The following CCDC149 variants were observed in gnomAD, a reference collection of about 807,000 sequenced individuals.
CCDC149 encodes the protein coiled-coil domain-containing protein 149.
A neutral mutation model predicts 59.9 loss-of-function variants in CCDC149; 45 were observed. The observed-to-expected ratio is 0.75, with a 90% CI of 0.59 to 0.96. The LOEUF (loss-of-function observed/expected upper bound fraction) is 0.96, where lower values mean the gene tolerates loss of function less well. CCDC149 is among the 40% of genes least tolerant of loss of function. CCDC149 has a pLI of 0.00. For synonymous variants in CCDC149, 245 were observed against 260.6 expected, an observed-to-expected ratio of 0.94 and a Z score of 0.58; for missense variants, 584 against 664.7, an observed-to-expected ratio of 0.88 and a Z score of 1.33.
intron 4 of CCDC149, among the ~76,000 whole-genome samples, chr4:24,852,337 T>C (rs1254796994): frequency 7.1e-6 from 1 of 140,690 alleles, no homozygotes; most frequent in Non-Finnish European, 1.6e-5. Context: ...CACACTATAG[T>C]CTTCTTGAGT....
intron 4 of CCDC149, among the ~76,000 whole-genome samples, chr4:24,839,124 A>G (rs950119511): frequency 1.3e-5 from 2 of 152,172 alleles, no homozygotes; most frequent in Middle Eastern, 3.4e-3. Context: ...CCCAAATATT[A>G]AAAATGTGTG....
At chr4:24,873,554 T>TA in intron 3 of CCDC149, 127 bp downstream of exon 3, 1 of 725,978 alleles carries the variant, frequency 1.4e-6, no homozygotes, top group Non-Finnish European at 2.4e-6. Context: ...AATCTCTACC[T>TA]ACTCCTCCCA....
chr4:24,950,996 T>G (rs1270496315), intron 1 of CCDC149, among the ~76,000 whole-genome samples: 1 of 152,212 alleles, frequency 6.6e-6, no homozygotes, highest in Non-Finnish European at 1.5e-5. Flanking sequence ...TCAGCATCTA[T>G]GTATCTTTGG....
At chr4:24,815,117 G>C (rs183324029) in intron 12 of CCDC149, among the ~76,000 whole-genome samples, 2 of 152,230 alleles carry the variant, frequency 1.3e-5, no homozygotes, top group East Asian at 3.9e-4. Context: ...ATATATGAAC[G>C]ATATACATGA....
At chr4:24,875,122 C>CACGGTGAAACCCCATCTCTACT (rs1719329507) in intron 2 of CCDC149, among the ~76,000 whole-genome samples, 1 of 152,096 alleles carries the variant, frequency 6.6e-6, no homozygotes, top group Non-Finnish European at 1.5e-5. Flanking sequence ...TCCTGGCTAA[C>CACGGTGAAACCCCATCTCTACT]AAGGTGAAAC....
Position 24,834,994 on chromosome 4 carries a change from A to G in CCDC149, c.774T>C (p.Gly258=). The G allele has an allele frequency of 6.2e-7, 1 of 1,614,058 alleles. No homozygotes were observed. The highest frequency in any genetic ancestry group is 1.3e-5 in the African/African-American group (1 of 75,030). Residue 258 remains glycine (G), a synonymous_variant, in exon 8 of 13, where the codon GGT becomes GGC. Coordinates refer to ENST00000635206, the MANE Select transcript of CCDC149 (RefSeq NM_001330643.2). ...CTGTCAGAGCACTGCTGCTGGATTT[A>G]CCCTGGCCCTTCGAGTTTTTCCGTC...
At chr4:24,827,222 A>G in intron 9 of CCDC149, 1 of 152,320 alleles carries the variant, frequency 6.6e-6, no homozygotes, top group Non-Finnish European at 1.5e-5. Context: ...TACCAGAGTG[A>G]AGGTCTTTAA....
In CCDC149 at chr4:24,819,896, G is replaced by T; in HGVS notation, c.1155C>A (p.Val385=). ...CTGCTTTGTTCTCAGTGGGCTGCTCGACAAACTTCAGCAGTGGGGATCTCG... is the reference window on the plus strand; with the variant it reads ...CTGCTTTGTTCTCAGTGGGCTGCTCTACAAACTTCAGCAGTGGGGATCTCG... The change falls in exon 12 of 13, where the codon GTC becomes GTA. Residue 385 remains valine (V), a synonymous_variant. Coordinates refer to ENST00000635206, the MANE Select transcript of CCDC149 (RefSeq NM_001330643.2). 1 of 1,551,682 alleles carries T rather than the reference G, an allele frequency of 6.4e-7. No individual in the cohort carries two copies. The highest frequency in any genetic ancestry group is 1.4e-5 in the African/African-American group (1 of 73,166).
chr4:24,849,629 A>C (rs1717529031), intron 4 of CCDC149, among the ~76,000 whole-genome samples: 1 of 152,338 alleles, frequency 6.6e-6, no homozygotes, highest in Admixed American at 6.5e-5. Flanking sequence ...ATAGGGTTAC[A>C]AGGCTCTAGC....
Position 24,912,948 on chromosome 4 carries a change from GGGCCCCGCGC to G in CCDC149, c.-79_-70del. ...CGACGTCGCGTCGCCGCCGCCGCCCGGGCCCCGCGCGGCCCCGAGAGGGCCCGGCGCCTCC... is the reference window on the plus strand; with the variant it reads ...CGACGTCGCGTCGCCGCCGCCGCCCGGGCCCCGAGAGGGCCCGGCGCCTCC... On this transcript the variant is annotated 5_prime_UTR_variant, in exon 1 of 13. Coordinates refer to ENST00000635206, the MANE Select transcript of CCDC149 (RefSeq NM_001330643.2). 5.3e-6 allele frequency: 5 copies of G among 950,546 alleles called. No individual in the cohort carries two copies. Among genetic ancestry groups the G allele is most frequent in the Non-Finnish European group, 5.4e-6 (4 of 742,436 alleles). The allele number at this position is 950,546 out of a possible 1,614,324, so 58.9% of individuals were successfully genotyped here.
rs181682171 is a variant in CCDC149 at position 24,957,947 on chromosome 4, T to C, written c.-65+22122A>G. 3.1e-3 allele frequency among the ~76,000 whole-genome samples: 469 copies of C among 152,254 alleles called. 1 individual carries two copies. The highest frequency in any genetic ancestry group is 3.6e-3 in the Non-Finnish European group (244 of 68,010). On this transcript the variant is annotated intron_variant, in intron 1 of 12. Coordinates refer to the CCDC149 transcript ENST00000389609. Reference sequence around the variant, plus strand: ...CATCAAGTATAGTATCTTCATATAGTACACCCAAGTTCACCAGAGAGTATC... The same window carrying C: ...CATCAAGTATAGTATCTTCATATAGCACACCCAAGTTCACCAGAGAGTATC...
At chr4:24,916,827 C>CATACA (rs2109334131), upstream of CCDC149, among the ~76,000 whole-genome samples, 1 of 61,458 alleles carries the variant, frequency 1.6e-5, no homozygotes, top group African/African-American at 4.9e-5. Context: ...TGTGTGTGTA[C>CATACA]ATATATTTAT....
At chr4:24,901,404 G>A (rs962976326) in intron 1 of CCDC149, among the ~76,000 whole-genome samples, 4 of 152,176 alleles carry the variant, frequency 2.6e-5, no homozygotes, top group African/African-American at 9.7e-5. Context: ...ACTGGCCAAA[G>A]TCCTCTTCTC....
chr4:24,837,203 C>T lies in CCDC149; in HGVS notation c.662+25G>A, dbSNP rs753515249. On this transcript the variant is annotated intron_variant, in intron 6 of 12. Coordinates refer to ENST00000635206, the MANE Select transcript of CCDC149 (RefSeq NM_001330643.2). The surrounding 1 kb of genome is among the most constrained non-coding windows in gnomAD (Gnocchi z 4.3). ...GTGCAGAGCCAGCCTTCCTCCCACG[C>T]ACAGGCCTGGGCCTGGCCACTTGCC... The T allele has an allele frequency of 4.3e-6, 7 of 1,610,282 alleles. No individual in the cohort carries two copies. In the African/African-American group the frequency reaches 6.7e-5, roughly 15 times the overall value.
chr4:24,945,624 C>CA, intron 1 of CCDC149, among the ~76,000 whole-genome samples: 1 of 141,792 alleles, frequency 7.1e-6, no homozygotes, highest in African/African-American at 2.6e-5. Context: ...TATGCCCTAA[C>CA]TTTTTTTTTT....
chr4:24,906,979 G>A (rs4697076), intron 1 of CCDC149, among the ~76,000 whole-genome samples: 120,848 of 152,090 alleles, frequency 0.79, 48,589 homozygotes, highest in Non-Finnish European at 0.86. Flanking sequence ...CTTAGCCTTA[G>A]TCTTAGTATT....
intron 1 of CCDC149, among the ~76,000 whole-genome samples, chr4:24,973,746 T>C (rs1261901347): frequency 6.6e-6 from 1 of 152,246 alleles, no homozygotes; most frequent in Non-Finnish European, 1.5e-5. Flanking sequence ...TAACCCGGTC[T>C]GAACTGAGTT....
chr4:24,937,087 G>A (rs932412898), intron 1 of CCDC149, among the ~76,000 whole-genome samples: 5 of 152,220 alleles, frequency 3.3e-5, no homozygotes, highest in Non-Finnish European at 5.9e-5. Context: ...AAGGAGAAGA[G>A]AGTCCTACCA....
intron 2 of CCDC149, among the ~76,000 whole-genome samples, chr4:24,874,269 T>G (rs1330512991): frequency 1.1e-4 from 5 of 44,372 alleles, no homozygotes; most frequent in African/African-American, 3.1e-4. Flanking sequence ...TGTTTTGTTT[T>G]TTTTTGTTTT....
Sources: gnomAD v4.1 joint callset for allele counts (sites outside exome capture counted in the v4.1 genomes callset) on GRCh38, gnomAD v4.1.1 for gene constraint, Gnocchi (gnomAD v3.1) non-coding constraint, MANE v1.5 for transcripts, NCBI Gene and HGNC (gene_info 2026-07-23, HGNC 2026-07-21) for gene names.